SPAG16: variants seen among roughly 807,000 people sequenced by gnomAD.
The protein encoded by SPAG16 is sperm associated antigen 16, also known as sperm-associated antigen 16 protein.
In SPAG16, 86 loss-of-function variants were observed where a neutral mutation model predicts 80.4. The observed-to-expected ratio is 1.07, with a 90% confidence interval of 0.90 to 1.28. SPAG16 has a LOEUF of 1.28. Ranked by LOEUF, SPAG16 falls within the 50% of genes most tolerant of loss-of-function variation. The pLI is 0.00. For missense variants in SPAG16, 870 were observed against 765.3 expected (o/e 1.14, Z -1.61); for synonymous variants, 294 against 265.9 (o/e 1.11, Z -1.03).
chr2:214,072,111 A>T (rs1456953220), intron 13 of SPAG16, among the ~76,000 whole-genome samples: 2 of 152,120 alleles, frequency 1.3e-5, no homozygotes, highest in African/African-American at 4.8e-5. Context: ...CTAAAGATAA[A>T]TACATGACCC....
intron 15 of SPAG16, among the ~76,000 whole-genome samples, chr2:214,406,752 G>A (rs1307478099): frequency 6.6e-6 from 1 of 152,056 alleles, no homozygotes; most frequent in Non-Finnish European, 1.5e-5. Flanking sequence ...AAAGCCAAAA[G>A]GAGTTGGCAA....
At chr2:214,018,681 T>C (rs1005295965) in intron 13 of SPAG16, among the ~76,000 whole-genome samples, 2 of 152,156 alleles carry the variant, frequency 1.3e-5, no homozygotes, top group Admixed American at 6.6e-5. Context: ...ATGACTTTCT[T>C]CTATTAGTGA....
intron 15 of SPAG16, among the ~76,000 whole-genome samples, chr2:214,372,694 C>A (rs1017742598): frequency 6.6e-6 from 1 of 152,102 alleles, no homozygotes; most frequent in Non-Finnish European, 1.5e-5. Flanking sequence ...AAGAATATGT[C>A]ATTTGACTAT....
At chr2:213,707,162 C>T (rs1224913612) in intron 10 of SPAG16, among the ~76,000 whole-genome samples, 1 of 152,184 alleles carries the variant, frequency 6.6e-6, no homozygotes, top group Non-Finnish European at 1.5e-5. Context: ...ATCTTGAAGG[C>T]TTAATATCAC....
intron 13 of SPAG16, among the ~76,000 whole-genome samples, chr2:214,068,167 CAAT>C (rs1437276487): frequency 3.3e-5 from 5 of 152,102 alleles, no homozygotes; most frequent in South Asian, 4.1e-4. Context: ...AAAATGGAAA[CAAT>C]GATGCAAATT....
chr2:213,858,531 A>T (rs1395770732), intron 10 of SPAG16, among the ~76,000 whole-genome samples: 1 of 152,206 alleles, frequency 6.6e-6, no homozygotes, highest in Non-Finnish European at 1.5e-5. Context: ...TAACTTTTAT[A>T]TGTACTGGGA....
intron 3 of SPAG16, among the ~76,000 whole-genome samples, chr2:213,304,026 C>T (rs2062848078): frequency 1.3e-5 from 2 of 152,072 alleles, no homozygotes; most frequent in African/African-American, 4.8e-5. Context: ...TACTTTTTCT[C>T]CACATCCTTG....
chr2:214,115,059 C>A (rs1013014478), intron 14 of SPAG16, among the ~76,000 whole-genome samples: 8 of 152,176 alleles, frequency 5.3e-5, no homozygotes, highest in Non-Finnish European at 1.2e-4. Context: ...TTGATCTTTT[C>A]TTTGCTGCAA....
At chr2:213,906,229 G>A (rs2077427010) in intron 11 of SPAG16, among the ~76,000 whole-genome samples, 1 of 150,416 alleles carries the variant, frequency 6.6e-6, no homozygotes, top group African/African-American at 2.5e-5. Flanking sequence ...TGAACCAGCT[G>A]GAAAAGAAAT....
intron 10 of SPAG16, among the ~76,000 whole-genome samples, chr2:213,560,800 G>C (rs1458993248): frequency 6.6e-6 from 1 of 152,012 alleles, no homozygotes; most frequent in African/African-American, 2.4e-5. Flanking sequence ...CTTTATTTCA[G>C]TCTCCAACTA....
chr2:213,536,921 C>T (rs2076270435), intron 10 of SPAG16, among the ~76,000 whole-genome samples: 1 of 151,948 alleles, frequency 6.6e-6, no homozygotes, highest in South Asian at 2.1e-4. Flanking sequence ...CCCAAATGTC[C>T]AACAATGATA....
At chr2:214,208,567 G>A (rs1452791929) in intron 15 of SPAG16, among the ~76,000 whole-genome samples, 1 of 152,160 alleles carries the variant, frequency 6.6e-6, no homozygotes, top group African/African-American at 2.4e-5. Context: ...TAGTATAATA[G>A]TTAAAAGCAT....
chr2:214,280,701 C>T (rs868094450), intron 15 of SPAG16: 1 of 353,402 alleles, frequency 2.8e-6, no homozygotes, highest in Non-Finnish European at 5.5e-6. Context: ...CCTGATCTTT[C>T]TTCTGAGCAA....
intron 10 of SPAG16, among the ~76,000 whole-genome samples, chr2:213,672,643 C>A (rs942190268): frequency 6.6e-6 from 1 of 151,934 alleles, no homozygotes; most frequent in Non-Finnish European, 1.5e-5. Context: ...TTTTGCATCC[C>A]TTCTTCTTAT....
At chr2:214,179,877 T>C (rs1036692244) in intron 15 of SPAG16, among the ~76,000 whole-genome samples, 1 of 151,544 alleles carries the variant, frequency 6.6e-6, no homozygotes, top group African/African-American at 2.4e-5. Context: ...TGCTTAGAAT[T>C]TAACAGTTTA....
chr2:213,792,052 A>G (rs1575148522), intron 10 of SPAG16, among the ~76,000 whole-genome samples: 1 of 152,222 alleles, frequency 6.6e-6, no homozygotes, highest in African/African-American at 2.4e-5. Context: ...TTCTTAAAAC[A>G]CCAAGCCAGT....
intron 10 of SPAG16, among the ~76,000 whole-genome samples, chr2:213,815,631 T>C (rs963789900): frequency 6.6e-6 from 1 of 151,954 alleles, no homozygotes; most frequent in African/African-American, 2.4e-5. Context: ...GGCCAAAGGG[T>C]ATCCCTTTGG....
At chr2:213,756,928 T>C (rs902716234) in intron 10 of SPAG16, among the ~76,000 whole-genome samples, 3 of 152,184 alleles carry the variant, frequency 2.0e-5, no homozygotes, top group African/African-American at 7.2e-5. Context: ...GAAACCCTTA[T>C]GGTGTTGTCT....
intron 10 of SPAG16, among the ~76,000 whole-genome samples, chr2:213,675,212 G>A (rs1006576366): frequency 1.1e-4 from 16 of 152,082 alleles, no homozygotes; most frequent in South Asian, 4.2e-4. Flanking sequence ...CATGTCCTTC[G>A]CCCACTTTTT....
Sources: allele counts gnomAD v4.1 joint callset (sites outside exome capture counted in the v4.1 genomes callset), GRCh38; gene constraint gnomAD v4.1.1; transcripts MANE v1.5; gene names NCBI Gene and HGNC (gene_info 2026-07-23, HGNC 2026-07-21).